The following PARD3B variants were observed in gnomAD, a reference collection of about 807,000 sequenced individuals.
PARD3B encodes the protein par-3 family cell polarity regulator beta, also known as partitioning defective 3 homolog B.
PARD3B carries 103 observed loss-of-function variants against 130.2 expected under a neutral mutation model. The ratio of observed to expected loss-of-function variants is 0.79; its 90% CI spans 0.67 to 0.93. The LOEUF is 0.93. PARD3B is among the 40% of genes least tolerant of loss of function. The pLI, the probability that PARD3B is intolerant of heterozygous loss-of-function variation, is 0.00. For synonymous variants in PARD3B, 583 were observed against 553.2 expected (o/e 1.05, Z -0.76); for missense variants, 1,609 against 1,499.2 (o/e 1.07, Z -1.21).
chr2:205,193,410 A>G, intron 15 of PARD3B, 90 bp downstream of exon 15: 4 of 953,590 alleles, frequency 4.2e-6, no homozygotes, highest in East Asian at 2.5e-5. Flanking sequence ...CTTCAACTCA[A>G]ACCTCAGGGA....
intron 2 of PARD3B, among the ~76,000 whole-genome samples, chr2:204,918,439 G>A (rs2047530437): frequency 6.6e-6 from 1 of 151,904 alleles, no homozygotes; most frequent in Non-Finnish European, 1.5e-5. Context: ...GACCATCCCG[G>A]CTAAAACGGT....
At chr2:205,588,607 G>A (rs559232071) in intron 22 of PARD3B, among the ~76,000 whole-genome samples, 46 of 152,088 alleles carry the variant, frequency 3.0e-4, no homozygotes, top group Admixed American at 5.9e-4. Context: ...AATGAATAAA[G>A]TGGAATTAAG....
intron 18 of PARD3B, among the ~76,000 whole-genome samples, chr2:205,367,948 G>A (rs2105899193): frequency 6.6e-6 from 1 of 152,288 alleles, no homozygotes; most frequent in African/African-American, 2.4e-5. Flanking sequence ...TTTATGTGAT[G>A]ATTTGTAAGT....
At chr2:204,914,777 G>T (rs1386718399) in intron 2 of PARD3B, among the ~76,000 whole-genome samples, 1 of 152,160 alleles carries the variant, frequency 6.6e-6, no homozygotes, top group Admixed American at 6.5e-5. Context: ...GTGGGGCAGG[G>T]AATGAATTTC....
chr2:205,459,576 GT>G (rs1379704818), intron 20 of PARD3B, among the ~76,000 whole-genome samples: 1 of 152,148 alleles, frequency 6.6e-6, no homozygotes, highest in Non-Finnish European at 1.5e-5. Flanking sequence ...CACTGAAAAG[GT>G]TAGTGATTAG....
chr2:204,780,756 AG>A (rs1196476572), intron 2 of PARD3B, among the ~76,000 whole-genome samples: 3 of 152,142 alleles, frequency 2.0e-5, no homozygotes, highest in Admixed American at 1.3e-4. Context: ...TACAGAGACC[AG>A]TATTGACAAT....
intron 22 of PARD3B, among the ~76,000 whole-genome samples, chr2:205,570,733 G>A (rs752321702): frequency 3.3e-5 from 5 of 152,244 alleles, no homozygotes; most frequent in Admixed American, 1.3e-4. Flanking sequence ...GAGACCAGAC[G>A]TATGTGTTCA....
At chr2:204,841,427 T>C (rs1237234294) in intron 2 of PARD3B, among the ~76,000 whole-genome samples, 2 of 151,652 alleles carry the variant, frequency 1.3e-5, no homozygotes, top group African/African-American at 4.9e-5. Flanking sequence ...TATGCCTTAC[T>C]TTTCTTTAAT....
chr2:204,559,650 G>T (rs952107659), intron 1 of PARD3B, among the ~76,000 whole-genome samples: 2 of 152,178 alleles, frequency 1.3e-5, no homozygotes, highest in Non-Finnish European at 2.9e-5. Flanking sequence ...AGGATCTAGA[G>T]CTAGAAATAT....
chr2:205,563,673 A>G lies in PARD3B; in HGVS notation c.3260+10270A>G, dbSNP rs1468814. Among the ~76,000 whole-genome samples, 37,003 of 152,078 alleles carry G rather than the reference A, an allele frequency of 0.24. 5,767 individuals carry two copies. Among genetic ancestry groups the G allele is most frequent in the East Asian group, 0.38 (1,983 of 5,170 alleles). ...TTGTAAAAAAAAAAAGTAATAAAAT[A>G]CAAGAAAATAGTAGGGAATTTATGG... On this transcript the variant is annotated intron_variant, in intron 22 of 22. Transcript: ENST00000406610. The surrounding 1 kb of genome is among the most constrained non-coding windows in gnomAD (Gnocchi z 4.2).
At chr2:204,820,552 C>T (rs1296915566) in intron 2 of PARD3B, among the ~76,000 whole-genome samples, 2 of 151,952 alleles carry the variant, frequency 1.3e-5, no homozygotes, top group Admixed American at 6.5e-5. Flanking sequence ...TGGGGGCTTA[C>T]ACCTGTAATC....
chr2:204,790,197 G>A (rs1411320288), intron 2 of PARD3B, among the ~76,000 whole-genome samples: 1 of 152,092 alleles, frequency 6.6e-6, no homozygotes, highest in Non-Finnish European at 1.5e-5. Context: ...ATAGTTCATG[G>A]AACAATTTAG....
intron 21 of PARD3B, among the ~76,000 whole-genome samples, chr2:205,521,855 A>G (rs1277152816): frequency 1.3e-5 from 2 of 152,050 alleles, no homozygotes; most frequent in Non-Finnish European, 2.9e-5. Flanking sequence ...GCTTTGTAAC[A>G]ATGTCTATAA....
At chr2:205,172,175 C>T (rs1226168793) in intron 11 of PARD3B, 36 bp from the exon 12 acceptor site, 1 of 1,598,570 alleles carries the variant, frequency 6.3e-7, no homozygotes, top group Non-Finnish European at 8.6e-7. Context: ...CCATACTTTT[C>T]TCTGTTGAAT....
intron 2 of PARD3B, among the ~76,000 whole-genome samples, chr2:204,857,428 A>T (rs539544348): frequency 2.6e-5 from 4 of 152,308 alleles, no homozygotes; most frequent in African/African-American, 9.6e-5. Flanking sequence ...TTCTAGGTTC[A>T]TGACTGAGGC....
chr2:205,576,037 G>T (rs191705183), intron 22 of PARD3B, among the ~76,000 whole-genome samples: 2 of 152,276 alleles, frequency 1.3e-5, no homozygotes, highest in Admixed American at 6.5e-5. Flanking sequence ...TCAGCATTTG[G>T]TGTTGTCAGT....
chr2:205,492,505 AT>A (rs2049756380), intron 20 of PARD3B, among the ~76,000 whole-genome samples: 1 of 152,192 alleles, frequency 6.6e-6, no homozygotes, highest in African/African-American at 2.4e-5. Context: ...ATAATTTGAA[AT>A]GGGGGCTACC....
chr2:205,010,674 C>T lies in PARD3B; in HGVS notation c.395-36907C>T, dbSNP rs896406065. Among the ~76,000 whole-genome samples, 8 of 152,208 alleles carry T rather than the reference C, an allele frequency of 5.3e-5. No homozygotes were observed. In the South Asian group the frequency reaches 1.5e-3, roughly 28 times the overall value. On this transcript the variant is annotated intron_variant, in intron 3 of 22. Transcript: ENST00000406610. ...AATCGATTGCATTGCTATTTTGTAG[C>T]CCCCAGTATGGCTTTTGAGAAGTAT...
At chr2:205,522,564 ATACT>A (rs1284851205) in intron 21 of PARD3B, among the ~76,000 whole-genome samples, 5 of 143,576 alleles carry the variant, frequency 3.5e-5, no homozygotes, top group African/African-American at 1.3e-4. Flanking sequence ...TCTCTAATAA[ATACT>A]TACTGAGTTC....
Sources: allele counts gnomAD v4.1 joint callset (sites outside exome capture counted in the v4.1 genomes callset), GRCh38; gene constraint gnomAD v4.1.1; non-coding constraint Gnocchi (gnomAD v3.1); transcripts MANE v1.5; gene names NCBI Gene and HGNC (gene_info 2026-07-23, HGNC 2026-07-21).